The following RASGRP4 variants were observed in gnomAD, a reference collection of about 807,000 sequenced individuals.
The protein encoded by RASGRP4 is RAS guanyl-releasing protein 4.
A neutral mutation model predicts 84.4 loss-of-function variants in RASGRP4; 52 were observed. The observed-to-expected ratio is 0.62, with a 90% CI of 0.49 to 0.78. The LOEUF (loss-of-function observed/expected upper bound fraction) is 0.78. Among genes scored for constraint, RASGRP4 ranks in the 30% least tolerant of loss-of-function variants. The probability of loss-of-function intolerance (pLI) is 0.00; values close to 1 mark genes in which losing one functional copy is unlikely to be tolerated. For synonymous variants in RASGRP4, 356 were observed against 359.1 expected (o/e 0.99, Z 0.10); for missense variants, 760 against 886.9 (o/e 0.86, Z 1.82).
Position 38,414,972 on chromosome 19 carries a change from A to G in RASGRP4, c.1106T>C (p.Leu369Ser), listed in dbSNP as rs1487445264. The change falls in exon 9 of 17, where the codon TTG (leucine) becomes TCG (serine). Residue 369 changes from leucine (L) to serine (S), a missense_variant. Physicochemically the swap from Leu to Ser is moderately radical, Grantham distance 145. Transcript: ENST00000615439. ...GGGTAGGTGCAGGCGGCCGTCAGGC[A>G]ACCTGTCGGGCTGTGCCTCATGCAG... ...VSLHEAQPDR[L>S]PDGRLHLPKL... is the part of the protein sequence containing the mutation. 1 of 1,613,560 alleles carries G rather than the reference A, an allele frequency of 6.2e-7. No individual in the cohort carries two copies. Among genetic ancestry groups the G allele is most frequent in the Non-Finnish European group, 8.5e-7 (1 of 1,179,762 alleles).
At position 38,419,073 on chromosome 19, in the gene RASGRP4, C is replaced by G. The variant is rs73930571; in HGVS notation, c.664-509G>C. Among the ~76,000 whole-genome samples, 1,007 of 152,280 alleles carry G rather than the reference C, an allele frequency of 6.6e-3. 8 individuals carry two copies. The highest frequency in any genetic ancestry group is 0.023 in the African/African-American group (958 of 41,556). On this transcript the variant is annotated intron_variant, in intron 6 of 16. Transcript: ENST00000615439. ...TACACTGAGTATATTTGCATACACA[C>G]TCACACACACAACACACACATACAA... is the stretch of plus-strand genomic sequence containing the variant.
chr19:38,419,865 T>C lies in RASGRP4; in HGVS notation c.658A>G (p.Ile220Val), dbSNP rs756477194. 4 of 1,595,180 alleles carry C rather than the reference T, an allele frequency of 2.5e-6. No homozygotes were observed. In the African/African-American group the frequency reaches 5.4e-5, roughly 21 times the overall value. The change falls in exon 6 of 17, where the codon ATC becomes GTC. Residue 220 changes from isoleucine to valine, a missense_variant. Ile to Val is a conservative substitution (Grantham distance 29, BLOSUM62 3). Transcript: ENST00000615439. ...GGATGGGAGGGGGTCCTCACCGTGA[T>C]AGCCTGGAAGGACCGGAACTCCAGG... ...TYLEFRSFQA[I>V]TPQDLRSYVL...
intron 9 of RASGRP4, among the ~76,000 whole-genome samples, chr19:38,414,378 GCGCAA>G (rs1971405211): frequency 1.3e-5 from 1 of 77,782 alleles, no homozygotes; most frequent in African/African-American, 2.9e-4. Context: ...GGGTGCAATG[GCGCAA>G]TGGCGCAATC....
At chr19:38,410,842 G>C (rs1242010007) in intron 16 of RASGRP4, 44 bp downstream of exon 16, 1 of 1,370,216 alleles carries the variant, frequency 7.3e-7, no homozygotes, top group Admixed American at 2.0e-5. Context: ...CCAATGGCCT[G>C]TGTCCCCTGT....
At chr19:38,414,102 G>A (rs921002508) in intron 9 of RASGRP4, among the ~76,000 whole-genome samples, 8 of 151,140 alleles carry the variant, frequency 5.3e-5, no homozygotes, top group African/African-American at 1.9e-4. Context: ...CTAATTTTTT[G>A]TATTTTTAGT....
Position 38,422,067 on chromosome 19 carries a change from C to A in RASGRP4, c.110G>T (p.Arg37Leu), listed in dbSNP as rs375650709. 2 of 1,613,658 alleles carry A rather than the reference C, an allele frequency of 1.2e-6. No homozygotes were observed. Among genetic ancestry groups the A allele is most frequent in the Admixed American group, 1.7e-5 (1 of 59,984 alleles). ...GGAAGCCATGACCTTGCTGATTTCC[C>A]GAGGGCTGGGGCATGTCTTGTGGCG... ...VRRHKTCPSPREISKVMASMN... is the reference protein window; with the variant it reads ...VRRHKTCPSPLEISKVMASMN... Residue 37 changes from arginine to leucine, a missense_variant, in exon 2 of 17, where the codon CGG becomes CTG. Physicochemically the swap from Arg to Leu is moderately radical, Grantham distance 102. Coordinates refer to ENST00000615439, the MANE Select transcript of RASGRP4 (RefSeq NM_170604.3).
intron 6 of RASGRP4, 49 bp downstream of exon 6, chr19:38,419,811 T>C (rs1971656329): frequency 6.6e-7 from 1 of 1,526,574 alleles, no homozygotes; most frequent in Non-Finnish European, 8.9e-7. Context: ...ATCCCTCCCC[T>C]ACCCCAGTGT....
chr19:38,425,016 T>C (rs1971928745), intron 1 of RASGRP4, among the ~76,000 whole-genome samples: 1 of 151,760 alleles, frequency 6.6e-6, no homozygotes, highest in African/African-American at 2.4e-5. Flanking sequence ...AAACCCCATC[T>C]CTACTAAAAA....
Position 38,421,959 on chromosome 19 carries a change from G to A in RASGRP4, c.208+10C>T, listed in dbSNP as rs1313231433. 1 of 1,606,288 alleles carries A rather than the reference G, an allele frequency of 6.2e-7. No individual in the cohort carries two copies. The highest frequency in any genetic ancestry group is 1.1e-5 in the South Asian group (1 of 89,528). Reference sequence around the variant, plus strand: ...AGGGCCAGGGAGGCTGCTGGGGAGAGGACACTTACCGAAGGACTGGATGCA... The same window carrying A: ...AGGGCCAGGGAGGCTGCTGGGGAGAAGACACTTACCGAAGGACTGGATGCA... On this transcript the variant is annotated intron_variant, in intron 2 of 16. Coordinates refer to ENST00000615439, the MANE Select transcript of RASGRP4 (RefSeq NM_170604.3).
rs886381647 is a variant in RASGRP4 at position 38,412,104 on chromosome 19, G to T, written c.1680+568C>A. Among the ~76,000 whole-genome samples, 1 of 91,520 alleles carries T rather than the reference G, an allele frequency of 1.1e-5. No individual in the cohort carries two copies. Among genetic ancestry groups the T allele is most frequent in the African/African-American group, 8.6e-5 (1 of 11,628 alleles). 60.0% of individuals were successfully genotyped at this position (91,520 alleles called of 152,430 possible). On this transcript the variant is annotated intron_variant, in intron 13 of 16. Coordinates refer to ENST00000615439, the MANE Select transcript of RASGRP4 (RefSeq NM_170604.3). This position sits in a 1 kb window ranked among gnomAD's most constrained non-coding sequence, Gnocchi z 4.6. Reference sequence around the variant, plus strand: ...CAGGTTTGTTGTTGTTGTTGTTGTTGTTGTTGTTGTTGTTGTTGTTGTTGT... The same window carrying T: ...CAGGTTTGTTGTTGTTGTTGTTGTTTTTGTTGTTGTTGTTGTTGTTGTTGT...
Position 38,422,078 on chromosome 19 carries a change from G to GAAATACAAAATA in RASGRP4, c.98_99insTATTTTGTATTT (p.Cys33_Pro34insIleLeuTyrPhe). 1 of 1,613,752 alleles carries GAAATACAAAATA rather than the reference G, an allele frequency of 6.2e-7. No homozygotes were observed. Among genetic ancestry groups the GAAATACAAAATA allele is most frequent in the Non-Finnish European group, 8.5e-7 (1 of 1,179,840 alleles). ...CCTTGCTGATTTCCCGAGGGCTGGG[G>GAAATACAAAATA]CATGTCTTGTGGCGGCGCACTTGGC... On this transcript the variant is annotated inframe_insertion, in exon 2 of 17. Coordinates refer to ENST00000615439, the MANE Select transcript of RASGRP4 (RefSeq NM_170604.3).
intron 2 of RASGRP4, 57 bp from the exon 3 acceptor site, chr19:38,421,257 T>A: frequency 1.6e-6 from 2 of 1,258,552 alleles, no homozygotes; most frequent in Non-Finnish European, 2.3e-6. Flanking sequence ...ATGCAGAGCG[T>A]AGCTCCAGAT....
Position 38,420,963 on chromosome 19 carries a change from T to C in RASGRP4, c.322A>G (p.Lys108Glu). 6.2e-7 allele frequency: 1 copy of C among 1,613,878 alleles called. No individual in the cohort carries two copies. The highest frequency in any genetic ancestry group is 8.5e-7 in the Non-Finnish European group (1 of 1,179,836). Reference sequence around the variant, plus strand: ...AGCTCCTGGGTGTCCCCTGTGGCCTTCTGGTATTTGAGTTCTGGTCAAGGC... The same window carrying C: ...AGCTCCTGGGTGTCCCCTGTGGCCTCCTGGTATTTGAGTTCTGGTCAAGGC... ...LAARLLTSYQ[K>E]ATGDTQELRR... The change falls in exon 4 of 17, where the codon AAG (lysine) becomes GAG (glutamate). Residue 108 changes from lysine to glutamate, a missense_variant. Physicochemically the swap from Lys to Glu is moderately conservative, Grantham distance 56. Transcript: ENST00000615439.
At chr19:38,421,046 C>T (rs769206528) in intron 3 of RASGRP4, 49 bp downstream of exon 3, 68 of 1,605,742 alleles carry the variant, frequency 4.2e-5, no homozygotes, top group African/African-American at 1.1e-4. Flanking sequence ...CAGGTTCTCA[C>T]GACTCTGCCC....
At position 38,413,221 on chromosome 19, in the gene RASGRP4, A is replaced by C; in HGVS notation, c.1388T>G (p.Leu463Arg). 1.2e-6 allele frequency: 2 copies of C among 1,613,618 alleles called. No individual in the cohort carries two copies. ...CACCAGCTGCTCCACATGCCGACCC[A>C]GTGTGACCCTGTCCGGCTTGGGTGT... ...GVTPKPDRVTLGRHVEQLVES... is the reference protein window; with the variant it reads ...GVTPKPDRVTRGRHVEQLVES... Residue 463 changes from leucine to arginine, a missense_variant, in exon 11 of 17, where the codon CTG (leucine) becomes CGG (arginine). Transcript: ENST00000615439. The surrounding 1 kb of genome is among the most constrained non-coding windows in gnomAD (Gnocchi z 4.7).
Position 38,418,321 on chromosome 19 carries a change from AGGGTCT to A in RASGRP4, c.837+64_837+69del. 6.7e-7 allele frequency: 1 copy of A among 1,492,474 alleles called. No homozygotes were observed. The allele number at this position is 1,492,474 out of a possible 1,614,324, so 92.5% of individuals were successfully genotyped here. The stretch of plus-strand genomic sequence containing the variant: ...CCGCCGGGATGACCCTGTGGGGTCG[AGGGTCT>A]GGAAGGGGAAGGACCAGGTGGCTGC... On this transcript the variant is annotated intron_variant, in intron 7 of 16. Coordinates refer to ENST00000615439, the MANE Select transcript of RASGRP4 (RefSeq NM_170604.3). This position sits in a 1 kb window ranked among gnomAD's most constrained non-coding sequence, Gnocchi z 4.6.
chr19:38,421,673 C>T (rs1031100350), intron 2 of RASGRP4, among the ~76,000 whole-genome samples: 1 of 151,676 alleles, frequency 6.6e-6, no homozygotes, highest in Non-Finnish European at 1.5e-5. Flanking sequence ...GATCAGGCCA[C>T]TGCACTCCAG....
chr19:38,413,119 C>T lies in RASGRP4; in HGVS notation c.1417-70G>A. On this transcript the variant is annotated intron_variant, in intron 11 of 16. Coordinates refer to ENST00000615439, the MANE Select transcript of RASGRP4 (RefSeq NM_170604.3). The surrounding 1 kb of genome is among the most constrained non-coding windows in gnomAD (Gnocchi z 4.7). ...TATGATCCCCATGGCCATAAGTCCC[C>T]ACCTCCAGGCTCAGGGTTCTACAGA... is the stretch of plus-strand genomic sequence containing the variant. The T allele has an allele frequency of 6.3e-7, 1 of 1,575,664 alleles. No individual in the cohort carries two copies. Among genetic ancestry groups the T allele is most frequent in the Admixed American group, 1.7e-5 (1 of 59,796 alleles).
chr19:38,416,935 A>C, intron 8 of RASGRP4, 117 bp downstream of exon 8: 3 of 672,956 alleles, frequency 4.5e-6, no homozygotes, highest in Non-Finnish European at 8.2e-6. Context: ...TTGGAGGAGC[A>C]AGGACTTCAT....
Sources: allele counts gnomAD v4.1 joint callset (sites outside exome capture counted in the v4.1 genomes callset), GRCh38; gene constraint gnomAD v4.1.1; non-coding constraint Gnocchi (gnomAD v3.1); transcripts MANE v1.5; gene names NCBI Gene and HGNC (gene_info 2026-07-23, HGNC 2026-07-21).